Variants in CHODL observed in about 807,000 individuals in gnomAD.
CHODL encodes the protein transmembrane protein MT75.
CHODL carries 29 observed loss-of-function variants against 34.5 expected under a neutral mutation model. The observed-to-expected ratio is 0.84, with a 90% CI of 0.63 to 1.15. CHODL has a LOEUF of 1.15. Ranked by LOEUF, CHODL falls within the 50% of genes most tolerant of loss-of-function variation. The pLI is 0.00. For synonymous variants in CHODL, 125 were observed against 116.1 expected (o/e 1.08, Z -0.49); for missense variants, 332 against 332.5 (o/e 1.00, Z 0.01).
intron 1 of CHODL, among the ~76,000 whole-genome samples, chr21:18,250,934 G>A (rs1414966689): frequency 6.6e-6 from 1 of 151,374 alleles, no homozygotes; most frequent in African/African-American, 2.4e-5. Flanking sequence ...TATTGAAAAA[G>A]TGATATAAAT....
At chr21:18,022,975 A>T (rs2064141367) in intron 1 of CHODL, among the ~76,000 whole-genome samples, 1 of 152,182 alleles carries the variant, frequency 6.6e-6, no homozygotes, top group Admixed American at 6.5e-5. Flanking sequence ...GGGAAGGAGA[A>T]AGGCAGGCAC....
upstream of CHODL, among the ~76,000 whole-genome samples, chr21:18,244,278 G>A (rs550765045): frequency 7.2e-5 from 11 of 152,266 alleles, no homozygotes; most frequent in African/African-American, 2.6e-4. Flanking sequence ...AATCAGTTTC[G>A]AAAACCATGC....
At chr21:18,079,297 A>G (rs190822971) in intron 2 of CHODL, among the ~76,000 whole-genome samples, 86 of 151,314 alleles carry the variant, frequency 5.7e-4, no homozygotes, top group Middle Eastern at 3.5e-3. Context: ...GCAAAAACAC[A>G]TGATTTTATT....
chr21:18,261,604 T>A (rs1423366399), intron 4 of CHODL, among the ~76,000 whole-genome samples: 1 of 151,992 alleles, frequency 6.6e-6, no homozygotes, highest in Non-Finnish European at 1.5e-5. Context: ...GAGGCAGAGG[T>A]TACAGTGAGC....
At chr21:18,260,356 C>T in intron 4 of CHODL, 70 bp downstream of exon 4, 1 of 988,602 alleles carries the variant, frequency 1.0e-6, no homozygotes, top group South Asian at 1.6e-5. Context: ...TTCATGTTGA[C>T]CCCAGTGAAA....
intron 2 of CHODL, among the ~76,000 whole-genome samples, chr21:18,138,938 G>A (rs535334352): frequency 6.6e-6 from 1 of 152,154 alleles, no homozygotes; most frequent in Non-Finnish European, 1.5e-5. Flanking sequence ...TACAGGCATG[G>A]ATGAACTCAA....
chr21:18,094,071 A>G (rs922696326), intron 2 of CHODL, among the ~76,000 whole-genome samples: 10 of 152,158 alleles, frequency 6.6e-5, no homozygotes, highest in Admixed American at 5.2e-4. Flanking sequence ...CAATAGTGTT[A>G]TACTTATTCA....
chr21:17,943,334 C>T (rs1430810490), intron 1 of CHODL, among the ~76,000 whole-genome samples: 2 of 152,194 alleles, frequency 1.3e-5, no homozygotes, highest in Non-Finnish European at 2.9e-5. Flanking sequence ...CAGCCTGCTC[C>T]TCCTCAAAGC....
intron 2 of CHODL, among the ~76,000 whole-genome samples, chr21:18,030,462 C>CCCACAGAAACTGATGTCATTAA (rs1215067539): frequency 6.6e-6 from 1 of 152,144 alleles, no homozygotes; most frequent in Non-Finnish European, 1.5e-5. Context: ...TGAGCCATTA[C>CCCACAGAAACTGATGTCATTAA]CCACAGAAAC....
chr21:18,250,602 G>T (rs1454229561), intron 1 of CHODL, among the ~76,000 whole-genome samples: 1 of 151,800 alleles, frequency 6.6e-6, no homozygotes, highest in Non-Finnish European at 1.5e-5. Flanking sequence ...TTAAGAAGTT[G>T]GTGTAACATT....
At chr21:18,166,745 TC>T (rs1426964100) in intron 2 of CHODL, among the ~76,000 whole-genome samples, 1 of 152,126 alleles carries the variant, frequency 6.6e-6, no homozygotes, top group Non-Finnish European at 1.5e-5. Context: ...ATTACTGAAT[TC>T]TTTTGTACTA....
chr21:18,135,459 G>A (rs1466986279), intron 2 of CHODL, among the ~76,000 whole-genome samples: 4 of 151,972 alleles, frequency 2.6e-5, no homozygotes, highest in African/African-American at 7.3e-5. Context: ...TAGCCTCAGC[G>A]TTCCATCCAA....
intron 2 of CHODL, among the ~76,000 whole-genome samples, chr21:18,052,728 A>G (rs1055229284): frequency 5.3e-5 from 8 of 151,890 alleles, no homozygotes; most frequent in African/African-American, 1.9e-4. Flanking sequence ...TGTCCCTTAT[A>G]TCACACAGTT....
At chr21:17,977,125 G>A (rs985535664) in intron 1 of CHODL, among the ~76,000 whole-genome samples, 3 of 152,110 alleles carry the variant, frequency 2.0e-5, no homozygotes, top group African/African-American at 7.2e-5. Flanking sequence ...AACCATTCAT[G>A]ATTCATAACA....
chr21:17,976,270 GAAAAAAAA>G (rs71318119), intron 1 of CHODL, among the ~76,000 whole-genome samples: 20 of 66,536 alleles, frequency 3.0e-4, no homozygotes, highest in Non-Finnish European at 5.2e-4. Flanking sequence ...GACCATCTCA[GAAAAAAAA>G]AAAAAAAAAA....
At chr21:18,162,827 G>C (rs1390278870) in intron 2 of CHODL, among the ~76,000 whole-genome samples, 1 of 151,932 alleles carries the variant, frequency 6.6e-6, no homozygotes, top group Non-Finnish European at 1.5e-5. Flanking sequence ...TTCTTTTCAA[G>C]ATAGAGTCTC....
rs1286236588 is a variant in CHODL, at chr21:17,949,251, A to G, written c.-145+31851A>G. 2.0e-5 allele frequency among the ~76,000 whole-genome samples: 3 copies of G among 152,312 alleles called. No individual in the cohort carries two copies. The East Asian group carries it at 5.8e-4, about 29-fold the overall frequency. On this transcript the variant is annotated intron_variant, in intron 1 of 6. Coordinates refer to the CHODL transcript ENST00000400127. ...ACTGCAGAGTAATGTTGGATAATAC[A>G]TCAGCCTCAAGAAATTTTCCAGATT...
intron 3 of CHODL, among the ~76,000 whole-genome samples, chr21:18,258,101 C>T (rs1197879234): frequency 6.6e-6 from 1 of 152,134 alleles, no homozygotes; most frequent in Admixed American, 6.6e-5. Context: ...TTCTTTTTCT[C>T]ATAATACCAG....
chr21:18,187,531 C>T (rs1287685591), intron 2 of CHODL, among the ~76,000 whole-genome samples: 1 of 152,132 alleles, frequency 6.6e-6, no homozygotes, highest in East Asian at 1.9e-4. Context: ...TTTACTGTTT[C>T]CTTCTTCTTC....
Sources: allele counts gnomAD v4.1 joint callset (sites outside exome capture counted in the v4.1 genomes callset), GRCh38; gene constraint gnomAD v4.1.1; transcripts MANE v1.5; gene names NCBI Gene and HGNC (gene_info 2026-07-23, HGNC 2026-07-21).